ANXA8: variants seen among roughly 807,000 people sequenced by gnomAD.
ANXA8 encodes annexin A8.
A neutral mutation model predicts 26.8 loss-of-function variants in ANXA8; 9 were observed. The ratio of observed to expected loss-of-function variants is 0.34; its 90% confidence interval spans 0.20 to 0.59. ANXA8 has a LOEUF of 0.59. Ranked by LOEUF, ANXA8 falls within the 20% of genes least tolerant of loss-of-function variation. The pLI is 0.84. For synonymous variants in ANXA8, 39 were observed against 94.8 expected, an observed-to-expected ratio of 0.41 and a Z score of 3.42; for missense variants, 83 against 238.5, an observed-to-expected ratio of 0.35 and a Z score of 4.29.
At position 47,476,525 on chromosome 10, in the gene ANXA8, C is replaced by T. The variant is rs1176837562; in HGVS notation, c.322-203G>A. On this transcript the variant is annotated intron_variant, in intron 4 of 11. Coordinates refer to ENST00000585281, the MANE Select transcript of ANXA8 (RefSeq NM_001040084.3). ...CTGTGACGGGGAAGCCCTGTCTCAG[C>T]TCTCCCTCCTTAGCTGGGTGGTCTC... 2.8e-4 allele frequency among the ~76,000 whole-genome samples: 36 copies of T among 127,098 alleles called. 6 individuals are homozygous for T. Among genetic ancestry groups the T allele is most frequent in the Non-Finnish European group, 5.3e-4 (32 of 59,978 alleles). 83.4% of individuals were successfully genotyped at this position (127,098 alleles called of 152,430 possible).
chr10:47,683,223 A>ATTT, the ANXA8 span, among the ~76,000 whole-genome samples: 471 of 110,552 alleles, frequency 4.3e-3, 7 homozygotes, highest in African/African-American at 0.012. Context: ...GCATTTACTA[A>ATTT]TTTTTTTTTT....
the ANXA8 span, among the ~76,000 whole-genome samples, chr10:47,945,366 G>A: frequency 6.1e-3 from 917 of 150,446 alleles, 3 homozygotes; most frequent in African/African-American, 0.021. Context: ...ATGGGCTCAC[G>A]GGAAAACCCC....
the ANXA8 span, among the ~76,000 whole-genome samples, chr10:47,960,730 G>A: frequency 6.8e-6 from 1 of 146,946 alleles, no homozygotes; most frequent in Non-Finnish European, 1.5e-5. Context: ...AAACTGACTT[G>A]CACCCTGTGT....
chr10:47,600,466 C>T, the ANXA8 span, among the ~76,000 whole-genome samples: 1 of 148,408 alleles, frequency 6.7e-6, no homozygotes, highest in Non-Finnish European at 1.5e-5. Flanking sequence ...GAGAGCAATC[C>T]CTAGATTTGC....
At chr10:47,939,947 C>T in the ANXA8 span, among the ~76,000 whole-genome samples, 2 of 136,892 alleles carry the variant, frequency 1.5e-5, no homozygotes, top group South Asian at 5.0e-4. Context: ...GCCTTCCTCT[C>T]CTGCTTGTTC....
the ANXA8 span, among the ~76,000 whole-genome samples, chr10:47,956,618 C>A: frequency 6.6e-6 from 1 of 150,808 alleles, no homozygotes; most frequent in Non-Finnish European, 1.5e-5. Context: ...GACTTCCCTC[C>A]CATCCCCACT....
chr10:47,654,225 T>C, the ANXA8 span, among the ~76,000 whole-genome samples: 2 of 147,624 alleles, frequency 1.4e-5, no homozygotes, highest in African/African-American at 5.2e-5. Context: ...GTGAATTGGA[T>C]ATGAGGAAGT....
chr10:47,733,321 C>CCTCT, the ANXA8 span, among the ~76,000 whole-genome samples: 1 of 76,308 alleles, frequency 1.3e-5, no homozygotes, highest in Non-Finnish European at 2.6e-5. Context: ...TCTCCCTCTC[C>CCTCT]CTCTCTCTCT....
At chr10:47,621,880 C>T in the ANXA8 span, among the ~76,000 whole-genome samples, 1 of 83,612 alleles carries the variant, frequency 1.2e-5, no homozygotes, top group African/African-American at 5.7e-5. Flanking sequence ...TCTTCACATG[C>T]CTTCCTCCTT....
At chr10:47,769,699 T>A in the ANXA8 span, among the ~76,000 whole-genome samples, 1 of 152,404 alleles carries the variant, frequency 6.6e-6, no homozygotes, top group African/African-American at 2.4e-5. Context: ...CAGTTAAAAG[T>A]GCTGAGCCTG....
At chr10:47,563,686 T>C in the ANXA8 span, 3 of 811,484 alleles carry the variant, frequency 3.7e-6, no homozygotes, top group Non-Finnish European at 6.7e-6. Flanking sequence ...CAGTGGTTGG[T>C]AGGTGATCGC....
chr10:47,571,405 G>A, the ANXA8 span, among the ~76,000 whole-genome samples: 3 of 147,912 alleles, frequency 2.0e-5, no homozygotes, highest in South Asian at 2.1e-4. Flanking sequence ...GCAGGCAAAG[G>A]GAGTTTTTTC....
the ANXA8 span, among the ~76,000 whole-genome samples, chr10:47,503,700 T>G: frequency 1.7e-5 from 2 of 115,870 alleles, no homozygotes; most frequent in Non-Finnish European, 3.4e-5. Context: ...CCAAGGTGGG[T>G]GGATCACGAG....
the ANXA8 span, among the ~76,000 whole-genome samples, chr10:47,525,898 G>T: frequency 7.9e-6 from 1 of 126,418 alleles, no homozygotes. Flanking sequence ...TCCGCCTCCC[G>T]GGCTCAAGCG....
the ANXA8 span, among the ~76,000 whole-genome samples, chr10:47,767,839 G>T: frequency 9.2e-4 from 137 of 149,350 alleles, 1 homozygote; most frequent in Admixed American, 1.5e-3. Context: ...AAAGCCCCAC[G>T]TGGAGGAGCC....
At chr10:47,513,365 C>G in the ANXA8 span, among the ~76,000 whole-genome samples, 4 of 142,086 alleles carry the variant, frequency 2.8e-5, no homozygotes, top group African/African-American at 7.7e-5. Flanking sequence ...TTGGGAACTA[C>G]AAAACATTGC....
chr10:47,528,208 T>G, the ANXA8 span, among the ~76,000 whole-genome samples: 1 of 141,172 alleles, frequency 7.1e-6, no homozygotes, highest in African/African-American at 2.6e-5. Flanking sequence ...GCCTCCTGAT[T>G]AGCTGGGACT....
chr10:47,506,337 T>C, the ANXA8 span, among the ~76,000 whole-genome samples: 1 of 138,316 alleles, frequency 7.2e-6, no homozygotes, highest in Middle Eastern at 3.4e-3. Flanking sequence ...TTGCTTCTTT[T>C]TCTCTTTTTT....
chr10:47,527,654 G>A, the ANXA8 span, among the ~76,000 whole-genome samples: 1 of 141,176 alleles, frequency 7.1e-6, no homozygotes, highest in African/African-American at 2.6e-5. Flanking sequence ...GATTGGGCTT[G>A]TGTGTGTGTG....
Sources: allele counts gnomAD v4.1 joint callset (sites outside exome capture counted in the v4.1 genomes callset), GRCh38; gene constraint gnomAD v4.1.1; transcripts MANE v1.5; gene names NCBI Gene and HGNC (gene_info 2026-07-23, HGNC 2026-07-21).